The following KCNMA1 variants were observed in gnomAD, a reference collection of about 807,000 sequenced individuals.
The protein encoded by KCNMA1 is Calcium-activated potassium channel subunit alpha-1.
Under a neutral mutation model 140.0 loss-of-function variants are expected in KCNMA1, and 29 were observed. The ratio of observed to expected loss-of-function variants is 0.21; its 90% CI spans 0.15 to 0.28. The LOEUF (loss-of-function observed/expected upper bound fraction) is 0.28. Ranked by LOEUF, KCNMA1 falls within the 10% of genes least tolerant of loss-of-function variation. The pLI is 1.00. For synonymous variants in KCNMA1, 612 were observed against 611.9 expected, an observed-to-expected ratio of 1.00 and a Z score of 0.00; for missense variants, 880 against 1,602.2, an observed-to-expected ratio of 0.55 and a Z score of 7.70.
intron 3 of KCNMA1, among the ~76,000 whole-genome samples, chr10:77,230,094 G>A (rs1367580425): frequency 6.6e-6 from 1 of 152,162 alleles, no homozygotes; most frequent in African/African-American, 2.4e-5. Flanking sequence ...ACATAAAATG[G>A]AATATTATTC....
At position 77,030,245 on chromosome 10, in the gene KCNMA1, G is replaced by A. The variant is rs970132059; in HGVS notation, c.1860-2354C>T. 2.0e-5 allele frequency among the ~76,000 whole-genome samples: 3 copies of A among 152,062 alleles called. No homozygotes were observed. The South Asian group carries it at 6.2e-4, about 31-fold the overall frequency. The stretch of plus-strand genomic sequence containing the variant: ...GGGCTTTGTGCTGATTATGCAGCTT[G>A]CTGAAACACCAACACACATATCCAA... On this transcript the variant is annotated intron_variant, in intron 15 of 27. Coordinates refer to ENST00000286628, the MANE Select transcript of KCNMA1 (RefSeq NM_001161352.2).
At chr10:76,933,792 T>C (rs1032655977) in intron 23 of KCNMA1, among the ~76,000 whole-genome samples, 1 of 152,134 alleles carries the variant, frequency 6.6e-6, no homozygotes, top group Non-Finnish European at 1.5e-5. Flanking sequence ...CCTGCTTTTC[T>C]GGAATTCAGA....
chr10:77,107,264 C>CA (rs2097215653), intron 9 of KCNMA1, among the ~76,000 whole-genome samples: 1 of 152,146 alleles, frequency 6.6e-6, no homozygotes. Flanking sequence ...CAAAACAAAA[C>CA]AAAACAGTTC....
intron 2 of KCNMA1, among the ~76,000 whole-genome samples, chr10:77,380,991 T>C (rs1566427707): frequency 6.6e-6 from 1 of 152,252 alleles, no homozygotes; most frequent in Non-Finnish European, 1.5e-5. Flanking sequence ...TGTGCTTTTC[T>C]GACCTTAGAT....
intron 1 of KCNMA1, among the ~76,000 whole-genome samples, chr10:77,572,194 C>A (rs901191342): frequency 2.0e-5 from 3 of 152,012 alleles, no homozygotes; most frequent in African/African-American, 7.3e-5. Flanking sequence ...GTATATTTTA[C>A]CCTATACACA....
At chr10:77,429,094 T>C (rs1163708321) in intron 1 of KCNMA1, among the ~76,000 whole-genome samples, 1 of 152,216 alleles carries the variant, frequency 6.6e-6, no homozygotes, top group African/African-American at 2.4e-5. Context: ...TGTGCAGGTC[T>C]GCAGGGATGA....
chr10:77,466,851 A>T (rs2098029696), intron 1 of KCNMA1, among the ~76,000 whole-genome samples: 1 of 150,626 alleles, frequency 6.6e-6, no homozygotes. Flanking sequence ...GCAGGTTATC[A>T]CCTTTGATTT....
At chr10:77,449,419 CATGTAA>C (rs997323728) in intron 1 of KCNMA1, among the ~76,000 whole-genome samples, 50 of 147,140 alleles carry the variant, frequency 3.4e-4, no homozygotes, top group African/African-American at 1.2e-3. Context: ...AGTATTCACA[CATGTAA>C]ATGCTGGTAT....
chr10:77,392,173 G>C (rs1348334297), intron 2 of KCNMA1, among the ~76,000 whole-genome samples: 1 of 117,816 alleles, frequency 8.5e-6, no homozygotes, highest in Non-Finnish European at 1.8e-5. Flanking sequence ...GGAGGGAGGA[G>C]GGAGGAGTGG....
At chr10:77,150,645 T>G (rs930039208) in intron 5 of KCNMA1, among the ~76,000 whole-genome samples, 1 of 152,248 alleles carries the variant, frequency 6.6e-6, no homozygotes, top group African/African-American at 2.4e-5. Context: ...GCTGAGAGCA[T>G]AGCCCACATG....
At chr10:77,507,857 G>A (rs1353864913) in intron 1 of KCNMA1, among the ~76,000 whole-genome samples, 1 of 152,228 alleles carries the variant, frequency 6.6e-6, no homozygotes, top group Non-Finnish European at 1.5e-5. Context: ...CAGCAATTCT[G>A]CTTCTAGGAA....
At chr10:77,450,993 T>A (rs964370206) in intron 1 of KCNMA1, among the ~76,000 whole-genome samples, 1 of 152,220 alleles carries the variant, frequency 6.6e-6, no homozygotes, top group Admixed American at 6.5e-5. Context: ...TGCTGCCATG[T>A]AAGATGTGAC....
At chr10:77,073,379 C>T (rs2096276531) in intron 13 of KCNMA1, 127 bp from the exon 14 acceptor site, 1 of 933,464 alleles carries the variant, frequency 1.1e-6, no homozygotes, top group Non-Finnish European at 1.7e-6. Flanking sequence ...TTTTCCCTTG[C>T]TGCGGTCTGA....
At chr10:77,618,071 C>T (rs2090168025) in intron 1 of KCNMA1, among the ~76,000 whole-genome samples, 1 of 152,154 alleles carries the variant, frequency 6.6e-6, no homozygotes, top group East Asian at 1.9e-4. Flanking sequence ...AACTACCCCT[C>T]ATGATCCTTA....
chr10:77,017,682 CG>C (rs2092312108), intron 17 of KCNMA1, among the ~76,000 whole-genome samples: 1 of 152,158 alleles, frequency 6.6e-6, no homozygotes, highest in South Asian at 2.1e-4. Flanking sequence ...TAAGTATCCA[CG>C]GTCACATGTC....
chr10:77,018,685 A>G (rs747138223), intron 17 of KCNMA1, among the ~76,000 whole-genome samples: 2 of 152,220 alleles, frequency 1.3e-5, no homozygotes, highest in East Asian at 1.9e-4. Flanking sequence ...AGAGCACTAG[A>G]TAAGGAGCCA....
chr10:77,225,400 A>G (rs1012769150), intron 3 of KCNMA1, among the ~76,000 whole-genome samples: 2 of 152,096 alleles, frequency 1.3e-5, no homozygotes, highest in Admixed American at 6.5e-5. Flanking sequence ...GAGGTGAAAC[A>G]TGACTCATCT....
chr10:76,948,308 T>C (rs1490843959), intron 22 of KCNMA1, among the ~76,000 whole-genome samples: 1 of 152,162 alleles, frequency 6.6e-6, no homozygotes, highest in Non-Finnish European at 1.5e-5. Context: ...ACCTGGCCCC[T>C]GTTTCTCAGT....
chr10:77,371,953 A>C (rs1314953506), intron 2 of KCNMA1, among the ~76,000 whole-genome samples: 1 of 152,236 alleles, frequency 6.6e-6, no homozygotes, highest in Admixed American at 6.5e-5. Flanking sequence ...TCCTTAAAGC[A>C]TGGAGTCAAC....
Sources: gnomAD v4.1 joint callset for allele counts (sites outside exome capture counted in the v4.1 genomes callset) on GRCh38, gnomAD v4.1.1 for gene constraint, MANE v1.5 for transcripts, NCBI Gene and HGNC (gene_info 2026-07-23, HGNC 2026-07-21) for gene names.